The following ITFG1 variants were observed in gnomAD, a reference collection of about 807,000 sequenced individuals.
ITFG1 encodes integrin alpha FG-GAP repeat containing 1.
ITFG1 carries 34 observed loss-of-function variants against 81.8 expected under a neutral mutation model. The observed-to-expected ratio is 0.42, with a 90% CI of 0.32 to 0.55. The LOEUF is 0.55. ITFG1 is among the 20% of genes least tolerant of loss of function. The pLI is 0.17. For missense variants in ITFG1, 672 were observed against 755.4 expected, an observed-to-expected ratio of 0.89 and a Z score of 1.29; for synonymous variants, 285 against 270.6, an observed-to-expected ratio of 1.05 and a Z score of -0.52.
chr16:47,182,721 C>T (rs761997433), intron 14 of ITFG1, among the ~76,000 whole-genome samples: 5 of 152,202 alleles, frequency 3.3e-5, no homozygotes, highest in South Asian at 2.1e-4. Context: ...ATTAATAGTA[C>T]TTAACTTCTA....
chr16:47,180,416 T>G (rs1315777866), intron 14 of ITFG1, among the ~76,000 whole-genome samples: 1 of 150,686 alleles, frequency 6.6e-6, no homozygotes, highest in Non-Finnish European at 1.5e-5. Context: ...CTTTCCACGG[T>G]CTCCCTCTGA....
rs1432088704 is a variant in ITFG1, at chr16:47,428,819, C to T, written c.640G>A (p.Glu214Lys). Reference sequence around the variant, plus strand: ...TGCAACTCACCTGCTGTAAAATCTTCAGTCAGATCAATAAATGCATGAGAA... The same window carrying T: ...TGCAACTCACCTGCTGTAAAATCTTTAGTCAGATCAATAAATGCATGAGAA... ...PHSHAFIDLT[E>K]DFTADLFLTT... The change falls in exon 6 of 18, where the codon GAA becomes AAA. Residue 214 changes from glutamate (E) to lysine (K), a missense_variant. Physicochemically the swap from Glu to Lys is moderately conservative, Grantham distance 56. Around this residue, in one of 3 missense-constraint regions of ITFG1, gnomAD observed 560 missense variants for 625.7 expected, o/e 0.90. Transcript: ENST00000320640. The T allele has an allele frequency of 6.2e-7, 1 of 1,607,786 alleles. No individual in the cohort carries two copies. The highest frequency in any genetic ancestry group is 2.2e-5 in the East Asian group (1 of 44,694).
chr16:47,452,108 TACAGTTCAG>T (rs1969396764), intron 4 of ITFG1, among the ~76,000 whole-genome samples: 1 of 152,186 alleles, frequency 6.6e-6, no homozygotes, highest in Non-Finnish European at 1.5e-5. Flanking sequence ...TCCATGGATT[TACAGTTCAG>T]ACTTCTAATG....
At chr16:47,415,694 A>G (rs1201681166) in intron 6 of ITFG1, among the ~76,000 whole-genome samples, 5 of 152,216 alleles carry the variant, frequency 3.3e-5, no homozygotes, top group Non-Finnish European at 7.3e-5. Flanking sequence ...GATTGGATCC[A>G]ATCATCCAAT....
At chr16:47,308,585 A>G (rs962312925) in intron 10 of ITFG1, among the ~76,000 whole-genome samples, 5 of 152,244 alleles carry the variant, frequency 3.3e-5, no homozygotes, top group African/African-American at 9.6e-5. Flanking sequence ...AAAGATAATA[A>G]CCAACCCATG....
chr16:47,256,036 G>A (rs1170592474), intron 12 of ITFG1, among the ~76,000 whole-genome samples: 1 of 151,464 alleles, frequency 6.6e-6, no homozygotes, highest in Non-Finnish European at 1.5e-5. Context: ...GTGCAGTGAT[G>A]TCACCTTGAC....
At chr16:47,416,250 T>G (rs1968873469) in intron 6 of ITFG1, among the ~76,000 whole-genome samples, 1 of 151,502 alleles carries the variant, frequency 6.6e-6, no homozygotes, top group African/African-American at 2.4e-5. Flanking sequence ...AGAAACAACA[T>G]ACATAACTTA....
At chr16:47,409,391 TATATATA>T (rs1968773757) in intron 6 of ITFG1, among the ~76,000 whole-genome samples, 8 of 16,496 alleles carry the variant, frequency 4.8e-4, no homozygotes, top group Non-Finnish European at 5.9e-4. Flanking sequence ...TATATATATA[TATATATA>T]TATATATTTT....
chr16:47,318,323 T>C (rs1214561235), intron 8 of ITFG1, among the ~76,000 whole-genome samples: 1 of 152,246 alleles, frequency 6.6e-6, no homozygotes, highest in African/African-American at 2.4e-5. Context: ...GGTAAATCTG[T>C]ATTTGTGTCA....
rs750265638 is a variant in ITFG1, at chr16:47,428,834, A to G, written c.625T>C (p.Phe209Leu). 63 of 1,610,700 alleles carry G rather than the reference A, an allele frequency of 3.9e-5. 1 individual carries two copies. In the South Asian group the frequency reaches 6.2e-4, roughly 16 times the overall value. ...SKMRIPHSHA[F>L]IDLTEDFTAD... ...GTAAAATCTTCAGTCAGATCAATAAATGCATGAGAATGTGGAATTCGCATT... is the reference window on the plus strand; with the variant it reads ...GTAAAATCTTCAGTCAGATCAATAAGTGCATGAGAATGTGGAATTCGCATT... Residue 209 changes from phenylalanine (F) to leucine (L), a missense_variant, in exon 6 of 18, where the codon TTT becomes CTT. Phe to Leu is a conservative substitution (Grantham distance 22, BLOSUM62 0). Around this residue, in one of 3 missense-constraint regions of ITFG1, gnomAD observed 560 missense variants for 625.7 expected, o/e 0.90. Transcript: ENST00000320640.
At chr16:47,458,224 CCTT>C (rs1451900703) in intron 2 of ITFG1, among the ~76,000 whole-genome samples, 1 of 152,132 alleles carries the variant, frequency 6.6e-6, no homozygotes, top group Non-Finnish European at 1.5e-5. Context: ...CCCAGTCTGC[CCTT>C]CTTATCTCAT....
chr16:47,328,054 A>G (rs1034041196), intron 8 of ITFG1, among the ~76,000 whole-genome samples: 4 of 152,210 alleles, frequency 2.6e-5, no homozygotes, highest in African/African-American at 9.6e-5. Flanking sequence ...CAGAATAGCA[A>G]AGACTTGGAA....
chr16:47,273,901 T>C (rs898283683), intron 10 of ITFG1, among the ~76,000 whole-genome samples: 8 of 152,078 alleles, frequency 5.3e-5, no homozygotes, highest in Admixed American at 3.9e-4. Flanking sequence ...CCAGGGTTAC[T>C]ACAAAATATT....
At chr16:47,351,815 T>C (rs535924315) in intron 8 of ITFG1, among the ~76,000 whole-genome samples, 1 of 152,246 alleles carries the variant, frequency 6.6e-6, no homozygotes, top group South Asian at 2.1e-4. Flanking sequence ...CAAACTATAC[T>C]ACAAGGCTAC....
At chr16:47,428,261 T>C (rs906867780) in intron 6 of ITFG1, among the ~76,000 whole-genome samples, 3 of 152,252 alleles carry the variant, frequency 2.0e-5, no homozygotes, top group Non-Finnish European at 2.9e-5. Context: ...GTTTGGGATT[T>C]ACTTTAAAAT....
intron 10 of ITFG1, among the ~76,000 whole-genome samples, chr16:47,296,074 T>C (rs1434699197): frequency 6.8e-6 from 1 of 147,062 alleles, no homozygotes; most frequent in African/African-American, 2.6e-5. Flanking sequence ...TAAGTTTTTA[T>C]TTTATTTTAT....
At chr16:47,309,404 A>G in intron 10 of ITFG1, among the ~76,000 whole-genome samples, 1 of 152,172 alleles carries the variant, frequency 6.6e-6, no homozygotes. Flanking sequence ...AGTGTTAATC[A>G]AACATTTACT....
At chr16:47,453,607 T>C (rs1263920733) in intron 3 of ITFG1, among the ~76,000 whole-genome samples, 2 of 152,366 alleles carry the variant, frequency 1.3e-5, no homozygotes, top group East Asian at 3.9e-4. Flanking sequence ...GCATTCATTT[T>C]GCTAGTGAGA....
chr16:47,339,577 T>C (rs887576829), intron 8 of ITFG1, among the ~76,000 whole-genome samples: 7 of 152,086 alleles, frequency 4.6e-5, no homozygotes, highest in Non-Finnish European at 1.0e-4. Flanking sequence ...ATAACTGAAA[T>C]ATAAAGTTCC....
Sources: allele counts gnomAD v4.1 joint callset (sites outside exome capture counted in the v4.1 genomes callset), GRCh38; gene constraint gnomAD v4.1.1; regional missense constraint gnomAD v4.1.1; transcripts MANE v1.5; gene names NCBI Gene and HGNC (gene_info 2026-07-23, HGNC 2026-07-21).